TMEM144: variants seen among roughly 807,000 people sequenced by gnomAD.
TMEM144 encodes the protein transmembrane protein 144.
In TMEM144, 39 loss-of-function variants were observed where a neutral mutation model predicts 43.6. That is an observed-to-expected ratio of 0.90 (90% CI 0.69 to 1.17). TMEM144 has a LOEUF of 1.17. Ranked by LOEUF, TMEM144 falls within the 50% of genes most tolerant of loss-of-function variation. The pLI is 0.00. For missense variants in TMEM144, 417 were observed against 411.9 expected (o/e 1.01, Z -0.11); for synonymous variants, 154 against 133.6 (o/e 1.15, Z -1.06).
Position 158,235,984 on chromosome 4 carries a change from C to T in TMEM144, c.563+479C>T, listed in dbSNP as rs569554744. On this transcript the variant is annotated intron_variant, in intron 8 of 12. Transcript: ENST00000296529. Reference sequence around the variant, plus strand: ...ACATTCTGTGTCCGTGTGGGTCCTACTCCCTCTATCTCCATAAGAACTCAG... The same window carrying T: ...ACATTCTGTGTCCGTGTGGGTCCTATTCCCTCTATCTCCATAAGAACTCAG... Among the ~76,000 whole-genome samples the T allele has an allele frequency of 3.3e-5, 5 of 152,348 alleles. No homozygotes were observed. The South Asian group carries it at 1.0e-3, about 32-fold the overall frequency.
At position 158,241,573 on chromosome 4, in the gene TMEM144, G is replaced by T; in HGVS notation, c.867G>T (p.Leu289=). Residue 289 remains leucine (L), a synonymous_variant, in exon 11 of 13, where the codon CTG becomes CTT. Transcript: ENST00000296529. ...GTTGGTTCATAGCAAATCACTCTCT[G>T]AGTGCTGTGGTCAGTTTTCCAATAA... ...TCCWFIANHS[L]SAVVSFPIIT... 1 of 1,613,966 alleles carries T rather than the reference G, an allele frequency of 6.2e-7. No individual in the cohort carries two copies. The highest frequency in any genetic ancestry group is 1.1e-5 in the South Asian group (1 of 91,076).
intron 6 of TMEM144, among the ~76,000 whole-genome samples, chr4:158,227,307 G>A (rs528766973): frequency 3.5e-4 from 53 of 152,042 alleles, no homozygotes; most frequent in East Asian, 2.3e-3. Context: ...AGCAGTTGCC[G>A]CTACAGACTG....
At chr4:158,242,635 G>C (rs982812646) in intron 11 of TMEM144, among the ~76,000 whole-genome samples, 2 of 151,846 alleles carry the variant, frequency 1.3e-5, no homozygotes, top group African/African-American at 2.4e-5. Context: ...TATCCACTTT[G>C]TTTATTAGCA....
intron 5 of TMEM144, among the ~76,000 whole-genome samples, chr4:158,217,917 C>G (rs1304490019): frequency 6.6e-6 from 1 of 152,168 alleles, no homozygotes; most frequent in East Asian, 1.9e-4. Context: ...GTTTCCCAGC[C>G]ATTTCTATAA....
chr4:158,237,558 C>T lies in TMEM144; in HGVS notation c.597C>T (p.Leu199=). 1 of 1,613,876 alleles carries T rather than the reference C, an allele frequency of 6.2e-7. No homozygotes were observed. Among genetic ancestry groups the T allele is most frequent in the Non-Finnish European group, 8.5e-7 (1 of 1,179,868 alleles). Residue 199 remains leucine, a synonymous_variant, in exon 9 of 13, where the codon CTC becomes CTT. Coordinates refer to ENST00000296529, the MANE Select transcript of TMEM144 (RefSeq NM_018342.5). ...GTCTTGCAGTGATATCTGGAGTACT[C>T]TATGGATCTACATTTGTGCCAATCA... ...GCSLAVISGV[L]YGSTFVPIIY...
chr4:158,227,617 T>A (rs1734841386), intron 6 of TMEM144, among the ~76,000 whole-genome samples: 1 of 152,142 alleles, frequency 6.6e-6, no homozygotes, highest in Non-Finnish European at 1.5e-5. Flanking sequence ...TTCCTCTCTC[T>A]CTTCTCGCTT....
At chr4:158,235,665 A>T (rs1215406141) in intron 8 of TMEM144, 160 bp downstream of exon 8, 3 of 570,116 alleles carry the variant, frequency 5.3e-6, no homozygotes, top group Admixed American at 3.4e-5. Flanking sequence ...TCCCCAGCTG[A>T]ATTTTAGGTA....
At chr4:158,215,949 A>G (rs569203646) in intron 4 of TMEM144, among the ~76,000 whole-genome samples, 24 of 150,978 alleles carry the variant, frequency 1.6e-4, no homozygotes, top group African/African-American at 5.7e-4. Context: ...ATTAAAAGCA[A>G]ATAAATGTTA....
At chr4:158,219,767 T>C (rs139220621) in intron 6 of TMEM144, among the ~76,000 whole-genome samples, 93 of 152,338 alleles carry the variant, frequency 6.1e-4, no homozygotes, top group African/African-American at 2.2e-3. Flanking sequence ...CCTGGAGTAG[T>C]CACTGATTCT....
intron 6 of TMEM144, among the ~76,000 whole-genome samples, 194 bp from the exon 7 acceptor site, chr4:158,232,707 T>G (rs541472261): frequency 6.6e-6 from 1 of 152,322 alleles, no homozygotes; most frequent in East Asian, 1.9e-4. Flanking sequence ...CTGTTGTAAT[T>G]AAGGAAAATG....
chr4:158,227,584 G>A (rs1282801091), intron 6 of TMEM144, among the ~76,000 whole-genome samples: 1 of 151,264 alleles, frequency 6.6e-6, no homozygotes, highest in Non-Finnish European at 1.5e-5. Flanking sequence ...GTCTCTCTCT[G>A]ACTTTCCTTT....
At chr4:158,211,139 A>G (rs1733940849) in intron 1 of TMEM144, 1 of 152,244 alleles carries the variant, frequency 6.6e-6, no homozygotes. Flanking sequence ...CAATGAAATA[A>G]GATCACATGC....
intron 12 of TMEM144, among the ~76,000 whole-genome samples, chr4:158,245,230 G>A (rs928117219): frequency 1.2e-5 from 1 of 82,168 alleles, no homozygotes; most frequent in African/African-American, 5.9e-5. Flanking sequence ...GTGTGTGTGT[G>A]TGTGTGTGTG....
In TMEM144 at chr4:158,244,751, G is replaced by A. The variant is rs140057750; in HGVS notation, c.954+402G>A. 7.9e-4 allele frequency among the ~76,000 whole-genome samples: 120 copies of A among 152,268 alleles called. 1 individual carries two copies. The highest frequency in any genetic ancestry group is 2.4e-3 in the African/African-American group (98 of 41,542). ...TGTTATTATCTGAAAACTGCCTGTGGTGCCTAGGTCCAGGGCCAACAACTC... is the reference window on the plus strand; with the variant it reads ...TGTTATTATCTGAAAACTGCCTGTGATGCCTAGGTCCAGGGCCAACAACTC... On this transcript the variant is annotated intron_variant, in intron 12 of 12. Coordinates refer to ENST00000296529, the MANE Select transcript of TMEM144 (RefSeq NM_018342.5).
At chr4:158,219,004 T>C (rs1308753330) in intron 5 of TMEM144, among the ~76,000 whole-genome samples, 2 of 152,096 alleles carry the variant, frequency 1.3e-5, no homozygotes, top group Non-Finnish European at 2.9e-5. Context: ...TCCCAGCTAC[T>C]TGGGAGGCTG....
intron 6 of TMEM144, among the ~76,000 whole-genome samples, chr4:158,220,950 T>A (rs1230570353): frequency 6.6e-6 from 1 of 152,196 alleles, no homozygotes; most frequent in Non-Finnish European, 1.5e-5. Context: ...TTAACTCAGT[T>A]AAATCAGTTT....
rs187055369 is a variant in TMEM144, at chr4:158,253,083, C to T, written c.955-361C>T. ...AAGCTCCACTTCCCACCCTCCAAAC[C>T]AGCATCATTAAGATTCCTGTAACAC... On this transcript the variant is annotated intron_variant, in intron 12 of 12. Transcript: ENST00000296529. Among the ~76,000 whole-genome samples the T allele has an allele frequency of 2.4e-3, 368 of 152,324 alleles. 4 individuals are homozygous for T. Among genetic ancestry groups the T allele is most frequent in the Non-Finnish European group, 2.1e-3 (143 of 68,026 alleles).
chr4:158,223,863 C>T (rs1051106560), intron 6 of TMEM144, among the ~76,000 whole-genome samples: 3 of 152,164 alleles, frequency 2.0e-5, no homozygotes, highest in African/African-American at 7.2e-5. Flanking sequence ...AATAGTGCTG[C>T]AATAAGCATA....
chr4:158,247,361 A>G (rs1215155741), intron 12 of TMEM144, among the ~76,000 whole-genome samples: 5 of 152,026 alleles, frequency 3.3e-5, no homozygotes, highest in Admixed American at 3.3e-4. Context: ...TAGTTTGGAA[A>G]CACCAGAATA....
Sources: allele counts gnomAD v4.1 joint callset (sites outside exome capture counted in the v4.1 genomes callset), GRCh38; gene constraint gnomAD v4.1.1; transcripts MANE v1.5; gene names NCBI Gene and HGNC (gene_info 2026-07-23, HGNC 2026-07-21).